The following MLLT10 variants were observed in gnomAD, a reference collection of about 807,000 sequenced individuals.
The protein encoded by MLLT10 is MLLT10 histone lysine methyltransferase DOT1L cofactor.
In MLLT10, 30 loss-of-function variants were observed where a neutral mutation model predicts 129.1. That is an observed-to-expected ratio of 0.23 (90% CI 0.17 to 0.32). The LOEUF is 0.32. Among genes scored for constraint, MLLT10 ranks in the 10% least tolerant of loss-of-function variants. The probability of loss-of-function intolerance (pLI) is 1.00; values close to 1 mark genes in which losing one functional copy is unlikely to be tolerated. For synonymous variants in MLLT10, 490 were observed against 446.4 expected, an observed-to-expected ratio of 1.10 and a Z score of -1.23; for missense variants, 1,119 against 1,268.3, an observed-to-expected ratio of 0.88 and a Z score of 1.79.
intron 14 of MLLT10, among the ~76,000 whole-genome samples, chr10:21,714,962 C>T (rs77712017): frequency 0.025 from 3,762 of 152,074 alleles, 63 homozygotes; most frequent in Middle Eastern, 0.054. Context: ...TTTAAGATTT[C>T]CAAAGTATTT....
chr10:21,635,216 TTCTTGTCACTTCCTTC>T (rs1359068649), intron 8 of MLLT10, among the ~76,000 whole-genome samples: 1 of 152,216 alleles, frequency 6.6e-6, no homozygotes, highest in Non-Finnish European at 1.5e-5. Flanking sequence ...TTTAGTGCTT[TTCTTGTCACTTCCTTC>T]TTCCTCATGA....
Position 21,546,693 on chromosome 10 carries a change from G to A in MLLT10, c.240+7781G>A, listed in dbSNP as rs914571342. ...AGTGATTCTCCTCCCTCAGCCTCCC[G>A]AGTAGCTGGGCTTGCAGGTGCCCGC... On this transcript the variant is annotated intron_variant, in intron 3 of 22. Coordinates refer to ENST00000307729, the MANE Select transcript of MLLT10 (RefSeq NM_001195626.3). 4.6e-5 allele frequency among the ~76,000 whole-genome samples: 7 copies of A among 150,928 alleles called. No homozygotes were observed. The East Asian group carries it at 1.4e-3, about 29-fold the overall frequency.
chr10:21,735,309 T>C, intron 21 of MLLT10, 74 bp downstream of exon 21: 1 of 1,259,626 alleles, frequency 7.9e-7, no homozygotes, highest in Admixed American at 2.1e-5. Flanking sequence ...TGGGTACAGA[T>C]TTCTCCTTTG....
chr10:21,738,699 T>G, intron 21 of MLLT10: 1 of 349,052 alleles, frequency 2.9e-6, no homozygotes, highest in Non-Finnish European at 4.0e-6. Context: ...GGCAACGGCA[T>G]TAGACAGAGT....
rs1343809944 is a variant in MLLT10 at position 21,740,123 on chromosome 10, A to C, written c.3049A>C (p.Thr1017Pro). 6.2e-7 allele frequency: 1 copy of C among 1,614,176 alleles called. No individual in the cohort carries two copies. Among genetic ancestry groups the C allele is most frequent in the South Asian group, 1.1e-5 (1 of 91,080 alleles). ...TCAGCAGCTGCAGATCCCTGGACCA[A>C]CACAAATACCCATAAACAACCTTCT... ...ELQQLQIPGP[T>P]QIPINNLLAG... is the part of the protein sequence containing the mutation. Residue 1017 changes from threonine (T) to proline (P), a missense_variant, in exon 22 of 23, where the codon ACA becomes CCA. By Grantham distance (38) the Thr-to-Pro change is conservative. This residue lies in a region of MLLT10 where 1,004 missense variants were observed against 1,008.7 expected (regional missense o/e 1.00). Transcript: ENST00000307729.
chr10:21,701,686 C>T (rs983714376), intron 13 of MLLT10, among the ~76,000 whole-genome samples: 24 of 151,926 alleles, frequency 1.6e-4, no homozygotes, highest in Non-Finnish European at 8.8e-5. Context: ...TCCTGGGGTC[C>T]AGCAATTCTC....
Position 21,733,520 on chromosome 10 carries a change from C to T in MLLT10, c.2424C>T (p.Ser808=), listed in dbSNP as rs751097956. 1.9e-6 allele frequency: 3 copies of T among 1,555,772 alleles called. No individual in the cohort carries two copies. Among genetic ancestry groups the T allele is most frequent in the South Asian group, 1.2e-5 (1 of 81,070 alleles). ...TTATTCTAGCTCCTACTACTGATTC[C>T]TTGAACAGCAGTAAGAGCCCTCATA... ...FSAQTAPTTD[S]LNSSKSPHIG... The change falls in exon 19 of 23, where the codon TCC becomes TCT. Residue 808 remains serine, a synonymous_variant. Coordinates refer to ENST00000307729, the MANE Select transcript of MLLT10 (RefSeq NM_001195626.3).
chr10:21,629,609 A>G (rs138497806), intron 8 of MLLT10, among the ~76,000 whole-genome samples: 1 of 152,356 alleles, frequency 6.6e-6, no homozygotes, highest in East Asian at 1.9e-4. Context: ...TTCTAATTGT[A>G]TCATTGTCAA....
At chr10:21,585,980 C>T (rs1223540981) in intron 3 of MLLT10, among the ~76,000 whole-genome samples, 3 of 152,028 alleles carry the variant, frequency 2.0e-5, no homozygotes, top group African/African-American at 4.8e-5. Flanking sequence ...AGGCTGGTCT[C>T]GAACTCCCGA....
At chr10:21,723,964 G>T (rs1334153321) in intron 14 of MLLT10, among the ~76,000 whole-genome samples, 1 of 152,160 alleles carries the variant, frequency 6.6e-6, no homozygotes, top group South Asian at 2.1e-4. Context: ...GATTCCCAAA[G>T]AATTGACTTC....
chr10:21,580,177 C>G (rs973395725), intron 3 of MLLT10, among the ~76,000 whole-genome samples: 2 of 151,662 alleles, frequency 1.3e-5, no homozygotes, highest in African/African-American at 4.8e-5. Flanking sequence ...TGCTGCCACG[C>G]TCGGCTTATA....
intron 3 of MLLT10, among the ~76,000 whole-genome samples, chr10:21,553,586 TAA>T (rs2037430666): frequency 6.6e-6 from 1 of 151,742 alleles, no homozygotes; most frequent in Admixed American, 6.6e-5. Flanking sequence ...CTCAGCCTCC[TAA>T]AGAGTTGGGA....
chr10:21,562,313 TTTTTTA>T (rs972635145), intron 3 of MLLT10, among the ~76,000 whole-genome samples: 4 of 151,512 alleles, frequency 2.6e-5, no homozygotes, highest in African/African-American at 9.7e-5. Flanking sequence ...TAGATTGCTT[TTTTTTA>T]TTTTTGTTTT....
chr10:21,596,272 C>T (rs1057120007), intron 5 of MLLT10, among the ~76,000 whole-genome samples: 2 of 151,948 alleles, frequency 1.3e-5, no homozygotes, highest in Admixed American at 6.6e-5. Flanking sequence ...GAATCGTTTT[C>T]GCTTATATTT....
intron 11 of MLLT10, among the ~76,000 whole-genome samples, chr10:21,678,685 T>C (rs1181293087): frequency 6.6e-6 from 1 of 152,228 alleles, no homozygotes; most frequent in Admixed American, 6.5e-5. Flanking sequence ...CTAATGATCT[T>C]TTTCTTAAAA....
In MLLT10 at chr10:21,734,037, T is replaced by G; in HGVS notation, c.2766T>G (p.Thr922=). The change falls in exon 20 of 23, where the codon ACT becomes ACG. Residue 922 remains threonine, a synonymous_variant. Transcript: ENST00000307729. The part of the protein sequence containing the change: ...IVGALNGVMQ[T]PVTMSQNPTP... ...GAGCTTTAAATGGGGTTATGCAGACTCCTGTCACAATGTCCCAGAACCCTA... is the reference window on the plus strand; with the variant it reads ...GAGCTTTAAATGGGGTTATGCAGACGCCTGTCACAATGTCCCAGAACCCTA... The G allele has an allele frequency of 4.3e-6, 7 of 1,614,150 alleles. No individual in the cohort carries two copies. Among genetic ancestry groups the G allele is most frequent in the Non-Finnish European group, 5.9e-6 (7 of 1,180,024 alleles).
chr10:21,639,774 C>T (rs2131290524), intron 8 of MLLT10, among the ~76,000 whole-genome samples: 1 of 152,236 alleles, frequency 6.6e-6, no homozygotes, highest in South Asian at 2.1e-4. Context: ...TGGGGCAGAA[C>T]CCCTTCTGAA....
intron 5 of MLLT10, among the ~76,000 whole-genome samples, chr10:21,599,640 C>G (rs1428934690): frequency 6.6e-6 from 1 of 152,152 alleles, no homozygotes; most frequent in African/African-American, 2.4e-5. Flanking sequence ...TTTTGGCTCA[C>G]TGCAGCCTCG....
chr10:21,697,085 C>A (rs1319046367), intron 13 of MLLT10, among the ~76,000 whole-genome samples: 1 of 98,204 alleles, frequency 1.0e-5, no homozygotes, highest in Non-Finnish European at 1.8e-5. Flanking sequence ...GAAGTGAATT[C>A]TGTCTGATTT....
Sources: allele counts gnomAD v4.1 joint callset (sites outside exome capture counted in the v4.1 genomes callset), GRCh38; gene constraint gnomAD v4.1.1; regional missense constraint gnomAD v4.1.1; transcripts MANE v1.5; gene names NCBI Gene and HGNC (gene_info 2026-07-23, HGNC 2026-07-21).